MAPK4: variants seen among roughly 807,000 people sequenced by gnomAD.
MAPK4 encodes the protein mitogen-activated protein kinase 4.
A neutral mutation model predicts 47.7 loss-of-function variants in MAPK4; 22 were observed. The observed-to-expected ratio is 0.46, with a 90% CI of 0.33 to 0.66. The LOEUF (loss-of-function observed/expected upper bound fraction) is 0.66. Ranked by LOEUF, MAPK4 falls within the 30% of genes least tolerant of loss-of-function variation. The pLI, the probability that MAPK4 is intolerant of heterozygous loss-of-function variation, is 0.02. For missense variants in MAPK4, 736 were observed against 831.7 expected (o/e 0.88, Z 1.42); for synonymous variants, 390 against 365.7 (o/e 1.07, Z -0.76).
chr18:50,711,563 C>T (rs551701331), intron 2 of MAPK4, among the ~76,000 whole-genome samples: 28 of 152,322 alleles, frequency 1.8e-4, no homozygotes, highest in South Asian at 4.1e-4. Flanking sequence ...CGCGTGCAGA[C>T]GCACCCACTT....
chr18:50,631,005 TC>T (rs1198614185), intron 1 of MAPK4, among the ~76,000 whole-genome samples: 1 of 152,208 alleles, frequency 6.6e-6, no homozygotes, highest in Non-Finnish European at 1.5e-5. Flanking sequence ...TTTATTTGTA[TC>T]CCCAAACCAG....
intron 1 of MAPK4, among the ~76,000 whole-genome samples, chr18:50,562,464 A>C (rs924475665): frequency 3.0e-4 from 45 of 151,750 alleles, no homozygotes; most frequent in African/African-American, 1.0e-3. Context: ...GAAGGAACCA[A>C]TAGGGGAAGG....
At chr18:50,638,165 G>A (rs1034932696) in intron 1 of MAPK4, among the ~76,000 whole-genome samples, 1 of 152,176 alleles carries the variant, frequency 6.6e-6, no homozygotes, top group South Asian at 2.1e-4. Flanking sequence ...GGCAACATGC[G>A]AGTGAGCATT....
chr18:50,683,181 G>A (rs894533882), intron 2 of MAPK4, among the ~76,000 whole-genome samples: 8 of 151,932 alleles, frequency 5.3e-5, no homozygotes, highest in South Asian at 2.1e-4. Flanking sequence ...GTGCAGTGGC[G>A]TGATCTAAGC....
At chr18:50,602,801 C>T (rs1333048865) in intron 1 of MAPK4, among the ~76,000 whole-genome samples, 5 of 152,134 alleles carry the variant, frequency 3.3e-5, no homozygotes, top group Admixed American at 2.6e-4. Flanking sequence ...CAACCCCATT[C>T]CCTGGGTTCA....
rs143545076 is a variant in MAPK4, at chr18:50,662,336, G to A, written c.-870-753G>A. Reference sequence around the variant, plus strand: ...TCCTCCCCACTTAGTTCCTATACCTGTAATTTGAGTCAACAGCCACCAGAG... The same window carrying A: ...TCCTCCCCACTTAGTTCCTATACCTATAATTTGAGTCAACAGCCACCAGAG... On this transcript the variant is annotated intron_variant, in intron 1 of 5. Coordinates refer to ENST00000400384, the MANE Select transcript of MAPK4 (RefSeq NM_002747.4). Among the ~76,000 whole-genome samples, 14 of 152,284 alleles carry A rather than the reference G, an allele frequency of 9.2e-5. No individual in the cohort carries two copies. The East Asian group carries it at 2.1e-3, about 23-fold the overall frequency.
intron 1 of MAPK4, among the ~76,000 whole-genome samples, chr18:50,621,175 C>G (rs1410334294): frequency 6.6e-6 from 1 of 152,078 alleles, no homozygotes. Context: ...TAGCTTGTAC[C>G]AAATCATAAA....
intron 2 of MAPK4, among the ~76,000 whole-genome samples, chr18:50,691,069 T>A (rs1424843345): frequency 6.6e-6 from 1 of 152,138 alleles, no homozygotes; most frequent in Non-Finnish European, 1.5e-5. Flanking sequence ...CATGGCTCAC[T>A]GCAACCTCCG....
At chr18:50,638,417 C>T (rs8095563) in intron 1 of MAPK4, among the ~76,000 whole-genome samples, 53,453 of 152,094 alleles carry the variant, frequency 0.35, 9,696 homozygotes, top group East Asian at 0.48. Flanking sequence ...CGTCTTTCCC[C>T]TTGCAGCTGA....
intron 1 of MAPK4, among the ~76,000 whole-genome samples, chr18:50,574,335 A>T (rs1183394506): frequency 6.6e-6 from 1 of 152,234 alleles, no homozygotes. Flanking sequence ...TAGGAAAACA[A>T]AAGGAATAAA....
intron 2 of MAPK4, among the ~76,000 whole-genome samples, chr18:50,693,693 C>T (rs1909355465): frequency 6.6e-6 from 1 of 152,184 alleles, no homozygotes; most frequent in African/African-American, 2.4e-5. Context: ...CGTGCATGTG[C>T]TTTCCGTGGG....
chr18:50,636,766 A>G (rs1314401879), intron 1 of MAPK4, among the ~76,000 whole-genome samples: 1 of 152,212 alleles, frequency 6.6e-6, no homozygotes, highest in Non-Finnish European at 1.5e-5. Context: ...CTTCTGGCCC[A>G]CAAGGATCTT....
At chr18:50,595,043 A>C (rs547190223) in intron 1 of MAPK4, among the ~76,000 whole-genome samples, 6 of 152,326 alleles carry the variant, frequency 3.9e-5, no homozygotes, top group African/African-American at 9.6e-5. Context: ...AATCAGAAAG[A>C]CTGGCAACGC....
In MAPK4 at chr18:50,589,206, G is replaced by C. The variant is rs149600439; in HGVS notation, c.-871+28963G>C. Among the ~76,000 whole-genome samples the C allele has an allele frequency of 7.0e-4, 106 of 152,166 alleles. 1 individual carries two copies. The East Asian group carries it at 0.018, about 25-fold the overall frequency. On this transcript the variant is annotated intron_variant, in intron 1 of 5. Coordinates refer to ENST00000400384, the MANE Select transcript of MAPK4 (RefSeq NM_002747.4). ...CCATAGCTTCAATAATCATGGCCCT[G>C]GTCCTAAAGATTATTTGGTGTATCT...
At chr18:50,684,519 C>T (rs974701948) in intron 2 of MAPK4, among the ~76,000 whole-genome samples, 3 of 151,184 alleles carry the variant, frequency 2.0e-5, no homozygotes, top group Non-Finnish European at 4.4e-5. Flanking sequence ...ATACTCCAGC[C>T]TGGGTGAGAG....
intron 1 of MAPK4, among the ~76,000 whole-genome samples, chr18:50,622,306 G>C (rs1005204286): frequency 6.6e-6 from 1 of 152,204 alleles, no homozygotes; most frequent in African/African-American, 2.4e-5. Flanking sequence ...CTTGGGAAAG[G>C]GGGAAGAGGG....
At chr18:50,651,157 G>A (rs111926404) in intron 1 of MAPK4, among the ~76,000 whole-genome samples, 2 of 152,224 alleles carry the variant, frequency 1.3e-5, no homozygotes, top group Non-Finnish European at 2.9e-5. Context: ...GGAGACTGGG[G>A]TTCCCGTTGA....
At chr18:50,581,372 G>A (rs1045811335) in intron 1 of MAPK4, among the ~76,000 whole-genome samples, 10 of 152,248 alleles carry the variant, frequency 6.6e-5, no homozygotes, top group African/African-American at 2.2e-4. Context: ...GGCTGGAGGC[G>A]TTGGTTCCTC....
At chr18:50,627,445 G>C (rs1319420714) in intron 1 of MAPK4, among the ~76,000 whole-genome samples, 1 of 152,174 alleles carries the variant, frequency 6.6e-6, no homozygotes, top group Admixed American at 6.5e-5. Flanking sequence ...AGCTTCAGGG[G>C]TGGCCCGAGC....
Sources: allele counts gnomAD v4.1 joint callset (sites outside exome capture counted in the v4.1 genomes callset), GRCh38; gene constraint gnomAD v4.1.1; transcripts MANE v1.5; gene names NCBI Gene and HGNC (gene_info 2026-07-23, HGNC 2026-07-21).